The following AP5Z1 variants were observed in gnomAD, a reference collection of about 807,000 sequenced individuals.
AP5Z1 encodes the protein AP-5 complex subunit zeta-1.
In AP5Z1, 106 loss-of-function variants were observed where a neutral mutation model predicts 83.0. That is an observed-to-expected ratio of 1.28 (90% CI 1.09 to 1.50). The LOEUF (loss-of-function observed/expected upper bound fraction) is 1.50. Ranked by LOEUF, AP5Z1 falls within the 40% of genes most tolerant of loss-of-function variation. The pLI, the probability that AP5Z1 is intolerant of heterozygous loss-of-function variation, is 0.00. For synonymous variants in AP5Z1, 751 were observed against 514.1 expected, an observed-to-expected ratio of 1.46 and a Z score of -6.23; for missense variants, 1,565 against 1,094.2, an observed-to-expected ratio of 1.43 and a Z score of -6.07.
chr7:4,782,131 C>G (rs191882172), intron 3 of AP5Z1, among the ~76,000 whole-genome samples: 289 of 152,302 alleles, frequency 1.9e-3, no homozygotes, highest in Middle Eastern at 3.4e-3. Context: ...ATGCTCACTG[C>G]AGCCTCGACC....
At chr7:4,779,410 CATG>C (rs201590598) in intron 1 of AP5Z1, among the ~76,000 whole-genome samples, 4,467 of 146,284 alleles carry the variant, frequency 0.031, 230 homozygotes, top group African/African-American at 0.1. Context: ...TCATATATAA[CATG>C]ATAACATATA....
chr7:4,791,795 C>T lies in AP5Z1; in HGVS notation c.*410C>T. On this transcript the variant is annotated 3_prime_UTR_variant, in exon 17 of 17. Transcript: ENST00000649063. ...AGTGCGCGATCAGTTCCGTTACCTG[C>T]CCTGCACCCTGGGGAGAGGACCAGG... is the stretch of plus-strand genomic sequence containing the variant. The T allele has an allele frequency of 5.8e-6, 1 of 172,992 alleles. No individual in the cohort carries two copies. Among genetic ancestry groups the T allele is most frequent in the South Asian group, 1.7e-4 (1 of 6,036 alleles). 10.7% of individuals were successfully genotyped at this position (172,992 alleles called of 1,614,324 possible).
Position 4,788,919 on chromosome 7 carries a change from C to T in AP5Z1, c.1675C>T (p.Leu559=), listed in dbSNP as rs1288549967. 2 of 1,611,470 alleles carry T rather than the reference C, an allele frequency of 1.2e-6. No individual in the cohort carries two copies. Among genetic ancestry groups the T allele is most frequent in the Admixed American group, 3.3e-5 (2 of 59,952 alleles). Reference sequence around the variant, plus strand: ...CCAGTGTGCCCAGGCCGTGCCCACGCTGCTGCAGGCATTCTTCTCAGCAGT... The same window carrying T: ...CCAGTGTGCCCAGGCCGTGCCCACGTTGCTGCAGGCATTCTTCTCAGCAGT... ...VAQCAQAVPT[L]LQAFFSAVTQ... The change falls in exon 13 of 17, where the codon CTG becomes TTG. Residue 559 remains leucine (L), a synonymous_variant. Coordinates refer to ENST00000649063, the MANE Select transcript of AP5Z1 (RefSeq NM_014855.3).
intron 6 of AP5Z1, 122 bp from the exon 7 acceptor site, chr7:4,784,786 C>T: frequency 7.5e-7 from 1 of 1,335,030 alleles, no homozygotes; most frequent in Non-Finnish European, 1.0e-6. Flanking sequence ...GACGGTGACG[C>T]CTCACGCCTC....
rs1160970529 is a variant in AP5Z1 at position 4,793,948 on chromosome 7, G to A, written c.*2563G>A. 1 of 152,514 alleles carries A rather than the reference G, an allele frequency of 6.6e-6. No individual in the cohort carries two copies. The highest frequency in any genetic ancestry group is 1.5e-5 in the Non-Finnish European group (1 of 68,282). The allele number at this position is 152,514 out of a possible 1,614,324, so 9.4% of individuals were successfully genotyped here. On this transcript the variant is annotated 3_prime_UTR_variant, in exon 17 of 17. Coordinates refer to ENST00000649063, the MANE Select transcript of AP5Z1 (RefSeq NM_014855.3). ...GGATCCACTGGGTGAAAGCCAGCTG[G>A]GCTCCTGAGTCTGGTGGGGACTTGG...
At chr7:4,787,076 G>A (rs1436152899) in intron 10 of AP5Z1, among the ~76,000 whole-genome samples, 1 of 152,064 alleles carries the variant, frequency 6.6e-6, no homozygotes, top group Non-Finnish European at 1.5e-5. Context: ...CCGGCCTGGT[G>A]CCATTTGCTT....
chr7:4,789,623 G>T (rs1202630828), intron 13 of AP5Z1, among the ~76,000 whole-genome samples: 1 of 152,236 alleles, frequency 6.6e-6, no homozygotes, highest in Non-Finnish European at 1.5e-5. Context: ...CGACACCTCT[G>T]CCGGGGGCAC....
At chr7:4,787,462 G>A (rs1003400720) in intron 10 of AP5Z1, 172 bp from the exon 11 acceptor site, 1 of 984,934 alleles carries the variant, frequency 1.0e-6, no homozygotes, top group Non-Finnish European at 1.4e-6. Flanking sequence ...CTCCAGCCTG[G>A]GCGACAGAGC....
rs369905698 is a variant in AP5Z1, at chr7:4,783,354, C to A, written c.405C>A (p.Gly135=). 6.2e-7 allele frequency: 1 copy of A among 1,612,776 alleles called. No individual in the cohort carries two copies. Among genetic ancestry groups the A allele is most frequent in the Non-Finnish European group, 8.5e-7 (1 of 1,179,714 alleles). The change falls in exon 4 of 17, where the codon GGC becomes GGA. Residue 135 remains glycine, a synonymous_variant. Coordinates refer to ENST00000649063, the MANE Select transcript of AP5Z1 (RefSeq NM_014855.3). ...RNEEVRAVGQ[G]VLRALESRQP... ...AGGAGGTCAGAGCCGTGGGCCAGGG[C>A]GTGCTACGAGCGCTGGAGAGCCGGC... is the stretch of plus-strand genomic sequence containing the variant.
At position 4,786,164 on chromosome 7, in the gene AP5Z1, C is replaced by T; in HGVS notation, c.1133-86C>T. 3 of 1,382,714 alleles carry T rather than the reference C, an allele frequency of 2.2e-6. 1 individual carries two copies. Among genetic ancestry groups the T allele is most frequent in the South Asian group, 2.9e-5 (2 of 67,936 alleles). The allele number at this position is 1,382,714 out of a possible 1,614,324, so 85.7% of individuals were successfully genotyped here. On this transcript the variant is annotated intron_variant, in intron 9 of 16. Coordinates refer to ENST00000649063, the MANE Select transcript of AP5Z1 (RefSeq NM_014855.3). ...AGCCCTTGGTGTCCTGGAGAGCAGG[C>T]CTGAGACTCAGGGCCCCTAACCAGT...
rs1224008325 is a variant in AP5Z1 at position 4,792,046 on chromosome 7, A to C, written c.*661A>C. 1.3e-5 allele frequency: 2 copies of C among 152,486 alleles called. No homozygotes were observed. The highest frequency in any genetic ancestry group is 3.9e-4 in the East Asian group (2 of 5,170). 9.4% of individuals were successfully genotyped at this position (152,486 alleles called of 1,614,324 possible). A position where few individuals can be genotyped will look rare whatever the true frequency, so the allele number is the denominator to read the frequency against. ...GGGTTGCAAGCGCCATGGCCTATGC[A>C]GGCTGCGGCCTCTGGCCATTCGGAG... On this transcript the variant is annotated 3_prime_UTR_variant, in exon 17 of 17. Coordinates refer to ENST00000649063, the MANE Select transcript of AP5Z1 (RefSeq NM_014855.3).
chr7:4,790,108 G>T, intron 14 of AP5Z1, 179 bp downstream of exon 14: 1 of 1,371,154 alleles, frequency 7.3e-7, no homozygotes, highest in Non-Finnish European at 9.6e-7. Flanking sequence ...ACTTCTCTCT[G>T]CTTCTCAAGA....
At chr7:4,779,763 C>T (rs920630018) in intron 1 of AP5Z1, among the ~76,000 whole-genome samples, 1 of 152,028 alleles carries the variant, frequency 6.6e-6, no homozygotes, top group African/African-American at 2.4e-5. Flanking sequence ...GCCTCAGCCT[C>T]CTGAGTAGCT....
In AP5Z1 at chr7:4,793,965, G is replaced by C. The variant is rs1490696148; in HGVS notation, c.*2580G>C. The C allele has an allele frequency of 1.3e-5, 2 of 152,462 alleles. No homozygotes were observed. The highest frequency in any genetic ancestry group is 4.8e-5 in the African/African-American group (2 of 41,450). The allele number at this position is 152,462 out of a possible 1,614,324, so 9.4% of individuals were successfully genotyped here. ...GCCAGCTGGGCTCCTGAGTCTGGTG[G>C]GGACTTGGAGAACCTTTATGTCTAG... On this transcript the variant is annotated 3_prime_UTR_variant, in exon 17 of 17. Transcript: ENST00000649063.
intron 1 of AP5Z1, among the ~76,000 whole-genome samples, chr7:4,780,925 T>A (rs925370397): frequency 1.3e-5 from 2 of 152,162 alleles, no homozygotes; most frequent in Non-Finnish European, 2.9e-5. Flanking sequence ...AAAATCTAAG[T>A]GCATGGGGCC....
intron 14 of AP5Z1, 36 bp downstream of exon 14, chr7:4,789,965 C>A: frequency 1.4e-6 from 2 of 1,480,780 alleles, no homozygotes; most frequent in Non-Finnish European, 9.0e-7. Context: ...CAGCCCTGGG[C>A]GGGTGCCTCC....
chr7:4,786,960 T>TG (rs1487262292), intron 10 of AP5Z1, among the ~76,000 whole-genome samples: 1 of 151,896 alleles, frequency 6.6e-6, no homozygotes, highest in African/African-American at 2.4e-5. Flanking sequence ...TTAGTAGAGA[T>TG]GGGGTTTCGA....
chr7:4,781,289 C>G lies in AP5Z1; in HGVS notation c.156C>G (p.Ile52Met). The G allele has an allele frequency of 6.2e-7, 1 of 1,613,714 alleles. No homozygotes were observed. The highest frequency in any genetic ancestry group is 8.5e-7 in the Non-Finnish European group (1 of 1,179,830). Reference protein sequence around the residue: ...LDSLQRLFLIISATKYSRRLE... With the variant: ...LDSLQRLFLIMSATKYSRRLE... ...CCCTGCAGAGGCTCTTCCTCATCAT[C>G]TCAGCCACGAAGTACAGCCGGAGGT... Residue 52 changes from isoleucine to methionine, a missense_variant, in exon 2 of 17, where the codon ATC (isoleucine) becomes ATG (methionine). Physicochemically the swap from Ile to Met is conservative, Grantham distance 10. Coordinates refer to ENST00000649063, the MANE Select transcript of AP5Z1 (RefSeq NM_014855.3).
intron 14 of AP5Z1, 71 bp from the exon 15 acceptor site, chr7:4,790,388 G>T (rs779935795): frequency 2.9e-5 from 46 of 1,607,830 alleles, no homozygotes; most frequent in Non-Finnish European, 3.3e-5. Context: ...GGTTTCTCCA[G>T]GCCCTTGGCC....
Sources: allele counts gnomAD v4.1 joint callset (sites outside exome capture counted in the v4.1 genomes callset), GRCh38; gene constraint gnomAD v4.1.1; transcripts MANE v1.5; gene names NCBI Gene and HGNC (gene_info 2026-07-23, HGNC 2026-07-21).